GNAS: variants seen among roughly 807,000 people sequenced by gnomAD.
GNAS encodes protein ALEX.
In GNAS, 8 loss-of-function variants were observed where a neutral mutation model predicts 54.5. The ratio of observed to expected loss-of-function variants is 0.15; its 90% CI spans 0.09 to 0.26. The LOEUF (loss-of-function observed/expected upper bound fraction) is 0.26. GNAS is among the 10% of genes least tolerant of loss of function. The pLI is 1.00. For missense variants in GNAS, 170 were observed against 529.8 expected, an observed-to-expected ratio of 0.32 and a Z score of 6.67; for synonymous variants, 204 against 191.4, an observed-to-expected ratio of 1.07 and a Z score of -0.54.
chr20:58,903,913 C>A, intron 5 of GNAS, 122 bp downstream of exon 5: 3 of 987,142 alleles, frequency 3.0e-6, no homozygotes, highest in Non-Finnish European at 4.9e-6. Context: ...TCAGGCAAAA[C>A]TACATTTCAG....
upstream of GNAS, chr20:58,840,045 C>A (rs947775276): frequency 8.2e-6 from 13 of 1,579,902 alleles, no homozygotes; most frequent in Non-Finnish European, 1.0e-5. This position sits in a 1 kb window ranked among gnomAD's most constrained non-coding sequence, Gnocchi z 6.0. Flanking sequence ...AGCCAATGTG[C>A]TTCGGAGCCA....
At chr20:58,889,465 G>A (rs1163154360), upstream of GNAS, 2 of 539,768 alleles carry the variant, frequency 3.7e-6, no homozygotes, top group East Asian at 3.0e-4. Context: ...GCCTTGCCCC[G>A]GGGCGCCTCC....
rs1471369418 is a variant in GNAS, at chr20:58,909,586, TGCTGTGGGCTTG to T, written c.718+13_718+24del. On this transcript the variant is annotated splice_region_variant and intron_variant, in intron 9 of 12. Coordinates refer to ENST00000371085, the MANE Select transcript of GNAS (RefSeq NM_000516.7). This position sits in a 1 kb window ranked among gnomAD's most constrained non-coding sequence, Gnocchi z 7.3. ...TGGATCCAGTGCTTCAACGGTAGGA[TGCTGTGGGCTTG>T]GCTGTTCGTAAAGAACGCTTTGCTT... is the stretch of plus-strand genomic sequence containing the variant. The T allele has an allele frequency of 4.3e-6, 7 of 1,614,102 alleles. No individual in the cohort carries two copies. In the Admixed American group the frequency reaches 1.2e-4, roughly 27 times the overall value.
chr20:58,868,317 C>T (rs1460544256), intron 1 of GNAS, among the ~76,000 whole-genome samples: 1 of 151,996 alleles, frequency 6.6e-6, no homozygotes, highest in Non-Finnish European at 1.5e-5. Flanking sequence ...CCGTGCCCTG[C>T]CAATATTTGT....
At chr20:58,883,783 G>A (rs1331270213) in intron 1 of GNAS, among the ~76,000 whole-genome samples, 1 of 152,114 alleles carries the variant, frequency 6.6e-6, no homozygotes, top group Admixed American at 6.6e-5. Flanking sequence ...AGTGGCCTTG[G>A]GAAGGAGAGT....
chr20:58,876,488 G>A (rs1171204674), intron 1 of GNAS: 1 of 152,016 alleles, frequency 6.6e-6, no homozygotes, highest in East Asian at 1.9e-4. Flanking sequence ...AATGATATGA[G>A]GTGTTAAAAA....
At chr20:58,852,981 A>G (rs2086244323) in intron 1 of GNAS, 2 of 1,192,428 alleles carry the variant, frequency 1.7e-6, no homozygotes, top group East Asian at 7.6e-5. Flanking sequence ...GGAGGGCGTA[A>G]GGATAGACCA....
At chr20:58,883,698 A>AG (rs573659606) in intron 1 of GNAS, among the ~76,000 whole-genome samples, 194 of 152,264 alleles carry the variant, frequency 1.3e-3, no homozygotes, top group African/African-American at 4.1e-3. Context: ...CAGAGGGCAT[A>AG]GCCCTGAGCT....
At chr20:58,902,206 G>A (rs1456175245) in intron 3 of GNAS, among the ~76,000 whole-genome samples, 2 of 152,056 alleles carry the variant, frequency 1.3e-5, no homozygotes, top group Non-Finnish European at 2.9e-5. Context: ...TCACCTCCCA[G>A]GGCCTAACAG....
chr20:58,902,827 G>A (rs1425421396), intron 3 of GNAS, among the ~76,000 whole-genome samples: 1 of 138,614 alleles, frequency 7.2e-6, no homozygotes, highest in African/African-American at 2.6e-5. Context: ...CGCCTCCCGG[G>A]TTCAAGCAAT....
At chr20:58,878,103 G>A (rs2087952697) in intron 1 of GNAS, among the ~76,000 whole-genome samples, 1 of 152,224 alleles carries the variant, frequency 6.6e-6, no homozygotes, top group Non-Finnish European at 1.5e-5. Context: ...TGCAGGCTGT[G>A]TTGAGAGCCT....
At position 58,853,403 on chromosome 20, in the gene GNAS, C is replaced by A. The variant is rs995705467; in HGVS notation, c.43+12517C>A. 6.4e-7 allele frequency: 1 copy of A among 1,574,758 alleles called. No homozygotes were observed. Among genetic ancestry groups the A allele is most frequent in the Non-Finnish European group, 8.6e-7 (1 of 1,160,858 alleles). On this transcript the variant is annotated intron_variant, in intron 1 of 12. Transcript: ENST00000306090. This position sits in a 1 kb window ranked among gnomAD's most constrained non-coding sequence, Gnocchi z 4.4. ...CCCCCGGTGCTGGGCCTAGCCCAGC[C>A]GAAGAGATGGAGACCGAACCGCCTC...
At chr20:58,869,393 G>T (rs1245677810) in intron 1 of GNAS, among the ~76,000 whole-genome samples, 1 of 152,170 alleles carries the variant, frequency 6.6e-6, no homozygotes, top group East Asian at 1.9e-4. Context: ...GCCCTCTGTT[G>T]TCCTTTGGTA....
chr20:58,869,092 A>G (rs1309421708), intron 1 of GNAS, among the ~76,000 whole-genome samples: 1 of 152,210 alleles, frequency 6.6e-6, no homozygotes, highest in Non-Finnish European at 1.5e-5. Context: ...ACTTTTAACG[A>G]GTGGATCTGA....
At chr20:58,890,187 GAGA>G (rs1226715743), upstream of GNAS, among the ~76,000 whole-genome samples, 1 of 151,574 alleles carries the variant, frequency 6.6e-6, no homozygotes, top group Non-Finnish European at 1.5e-5. Flanking sequence ...GAAGAAGATG[GAGA>G]AGATGCTGAA....
rs1357163426 is a variant in GNAS at position 58,905,543 on chromosome 20, C to T, written c.530+63C>T. Reference sequence around the variant, plus strand: ...AGACAAAAACAAGAAAACATGAAAACCTGTGATCCTGCTTTGAAAGTTACT... The same window carrying T: ...AGACAAAAACAAGAAAACATGAAAATCTGTGATCCTGCTTTGAAAGTTACT... On this transcript the variant is annotated intron_variant, in intron 6 of 12. Transcript: ENST00000371085. 1.7e-5 allele frequency: 15 copies of T among 905,482 alleles called. 1 individual carries two copies. Among genetic ancestry groups the T allele is most frequent in the South Asian group, 3.9e-5 (3 of 76,778 alleles). The allele number at this position is 905,482 out of a possible 1,614,324, so 56.1% of individuals were successfully genotyped here.
At chr20:58,903,140 C>T (rs2090780473) in intron 3 of GNAS, 5 of 365,620 alleles carry the variant, frequency 1.4e-5, no homozygotes, top group South Asian at 1.1e-4. Context: ...TGTTTTGTTC[C>T]ACCCCAACCT....
Position 58,841,214 on chromosome 20 carries a change from C to A in GNAS, c.43+328C>A, listed in dbSNP as rs1863897393. ...CCAGATTTGGAGCTGCACACCCAAA[C>A]GGCATTGGTAAGTCACTTGTTTTGC... On this transcript the variant is annotated intron_variant, in intron 1 of 12. Coordinates refer to the GNAS transcript ENST00000306090. This position sits in a 1 kb window ranked among gnomAD's most constrained non-coding sequence, Gnocchi z 5.0. 9.1e-6 allele frequency: 6 copies of A among 658,498 alleles called. No homozygotes were observed. The South Asian group carries it at 1.6e-4, about 17-fold the overall frequency. 40.8% of individuals were successfully genotyped at this position (658,498 alleles called of 1,614,324 possible). A position where few individuals can be genotyped will look rare whatever the true frequency, so the allele number is the denominator to read the frequency against.
chr20:58,842,277 ATTT>A (rs200012486), intron 1 of GNAS: 2 of 384,014 alleles, frequency 5.2e-6, no homozygotes, highest in African/African-American at 2.1e-5. Context: ...TTGGAAATTG[ATTT>A]TTTTTTTCCT....
Sources: gnomAD v4.1 joint callset for allele counts (sites outside exome capture counted in the v4.1 genomes callset) on GRCh38, gnomAD v4.1.1 for gene constraint, Gnocchi (gnomAD v3.1) non-coding constraint, MANE v1.5 for transcripts, NCBI Gene and HGNC (gene_info 2026-07-23, HGNC 2026-07-21) for gene names.